NELL1: variants seen among roughly 807,000 people sequenced by gnomAD.
The protein encoded by NELL1 is neural EGFL like 1, also known as protein kinase C-binding protein NELL1.
Under a neutral mutation model 107.4 loss-of-function variants are expected in NELL1, and 76 were observed. The ratio of observed to expected loss-of-function variants is 0.71; its 90% CI spans 0.59 to 0.86. The LOEUF is 0.86. NELL1 is among the 40% of genes least tolerant of loss of function. The pLI, the probability that NELL1 is intolerant of heterozygous loss-of-function variation, is 0.00. For synonymous variants in NELL1, 353 were observed against 341.2 expected (o/e 1.03, Z -0.38); for missense variants, 1,024 against 1,005.5 (o/e 1.02, Z -0.25).
At chr11:21,480,913 C>G (rs1421229584) in intron 15 of NELL1, among the ~76,000 whole-genome samples, 1 of 152,170 alleles carries the variant, frequency 6.6e-6, no homozygotes, top group Non-Finnish European at 1.5e-5. Flanking sequence ...TGCCTTTTAT[C>G]TCTTTCTCAC....
At chr11:21,239,112 G>A (rs7109435) in intron 14 of NELL1, among the ~76,000 whole-genome samples, 37,577 of 151,854 alleles carry the variant, frequency 0.25, 4,958 homozygotes, top group Non-Finnish European at 0.3. Context: ...ATTATTATTA[G>A]CACGATGAAA....
chr11:21,106,086 T>A (rs954999589), intron 12 of NELL1, among the ~76,000 whole-genome samples: 2 of 151,282 alleles, frequency 1.3e-5, no homozygotes, highest in Admixed American at 1.3e-4. Flanking sequence ...TAGCTATGTT[T>A]TGCTTGGTTC....
At chr11:21,077,852 G>A (rs1159036562) in intron 12 of NELL1, among the ~76,000 whole-genome samples, 8 of 151,960 alleles carry the variant, frequency 5.3e-5, no homozygotes, top group African/African-American at 1.9e-4. Flanking sequence ...AGTTGTCTTA[G>A]AAAGCAGAGG....
chr11:21,105,716 T>C (rs1854937666), intron 12 of NELL1, among the ~76,000 whole-genome samples: 1 of 151,872 alleles, frequency 6.6e-6, no homozygotes, highest in Admixed American at 6.6e-5. Context: ...TACCAAGGAC[T>C]TCCTTACCCT....
chr11:21,130,196 AACTCCAATCAGCCCTTCTC>A (rs1422684617), intron 13 of NELL1, among the ~76,000 whole-genome samples: 26 of 152,214 alleles, frequency 1.7e-4, no homozygotes, highest in African/African-American at 5.8e-4. Context: ...TAAATCAGTA[AACTCCAATCAGCCCTTCTC>A]TATCCTGTGA....
In NELL1 at chr11:20,848,954, G is replaced by T. The variant is rs1259325668; in HGVS notation, c.506+1201G>T. Among the ~76,000 whole-genome samples, 4 of 152,322 alleles carry T rather than the reference G, an allele frequency of 2.6e-5. No homozygotes were observed. In the East Asian group the frequency reaches 7.7e-4, roughly 29 times the overall value. ...GGTTTCCACCAGATATAATAAATAT[G>T]TCTGGACAGAGTTTCCATAGAAACC... On this transcript the variant is annotated intron_variant, in intron 4 of 19. Coordinates refer to ENST00000357134, the MANE Select transcript of NELL1 (RefSeq NM_006157.5).
intron 12 of NELL1, among the ~76,000 whole-genome samples, chr11:21,065,116 G>C (rs1310759969): frequency 6.6e-6 from 1 of 151,744 alleles, no homozygotes; most frequent in Admixed American, 6.6e-5. Context: ...TTTTATACAA[G>C]TCTCTAAGGT....
At chr11:21,102,494 T>C (rs1181749416) in intron 12 of NELL1, among the ~76,000 whole-genome samples, 1 of 152,210 alleles carries the variant, frequency 6.6e-6, no homozygotes, top group African/African-American at 2.4e-5. Flanking sequence ...ACTAGTTGCT[T>C]AGTCTCCATG....
At chr11:21,183,857 G>A (rs1856878129) in intron 13 of NELL1, among the ~76,000 whole-genome samples, 1 of 151,896 alleles carries the variant, frequency 6.6e-6, no homozygotes, top group South Asian at 2.1e-4. Context: ...GAACAAGTGA[G>A]ATTGAGGGAG....
intron 16 of NELL1, among the ~76,000 whole-genome samples, chr11:21,555,818 C>A (rs1011197927): frequency 1.3e-5 from 2 of 151,896 alleles, no homozygotes; most frequent in Non-Finnish European, 2.9e-5. Context: ...TTGAGCTCCT[C>A]ATCACGCTAA....
intron 14 of NELL1, among the ~76,000 whole-genome samples, chr11:21,269,060 A>G (rs1336170607): frequency 6.6e-6 from 1 of 152,106 alleles, no homozygotes; most frequent in African/African-American, 2.4e-5. Context: ...TGAGGAAAAA[A>G]AATCTCTGAG....
chr11:21,222,036 G>A (rs545153885), intron 13 of NELL1, among the ~76,000 whole-genome samples: 25 of 151,980 alleles, frequency 1.6e-4, no homozygotes, highest in African/African-American at 3.1e-4. Context: ...TAGTTGTAAT[G>A]TCTCTCATTT....
At position 20,993,068 on chromosome 11, in the gene NELL1, A is replaced by G. The variant is rs535303364; in HGVS notation, c.1300+32508A>G. 2.6e-5 allele frequency among the ~76,000 whole-genome samples: 4 copies of G among 152,212 alleles called. No homozygotes were observed. The South Asian group carries it at 8.3e-4, about 32-fold the overall frequency. On this transcript the variant is annotated intron_variant, in intron 12 of 19. Transcript: ENST00000357134. ...CTTGTCATACTTTCCTCTTTTAATG[A>G]AGTGAGTTTCCACCTGTCTAGAATG...
At chr11:20,850,771 C>A (rs1471135497) in intron 4 of NELL1, among the ~76,000 whole-genome samples, 1 of 152,062 alleles carries the variant, frequency 6.6e-6, no homozygotes, top group Non-Finnish European at 1.5e-5. Flanking sequence ...TTGATGGAAC[C>A]CTTTACTTTG....
intron 2 of NELL1, among the ~76,000 whole-genome samples, chr11:20,718,667 A>T (rs1484440588): frequency 6.6e-6 from 1 of 152,072 alleles, no homozygotes; most frequent in African/African-American, 2.4e-5. Flanking sequence ...ATGTATTGCT[A>T]GTCTTCAGAC....
At chr11:20,757,086 C>T (rs1204404150) in intron 2 of NELL1, among the ~76,000 whole-genome samples, 1 of 152,012 alleles carries the variant, frequency 6.6e-6, no homozygotes, top group Non-Finnish European at 1.5e-5. Flanking sequence ...TTCTTTCTCT[C>T]CCAACTTTTT....
At chr11:20,927,075 T>G in intron 7 of NELL1, 1 of 453,968 alleles carries the variant, frequency 2.2e-6, no homozygotes, top group Non-Finnish European at 3.9e-6. Flanking sequence ...TACAGTTTAA[T>G]GTCTCATTTG....
At chr11:21,159,478 T>C (rs934146733) in intron 13 of NELL1, among the ~76,000 whole-genome samples, 1 of 152,228 alleles carries the variant, frequency 6.6e-6, no homozygotes, top group African/African-American at 2.4e-5. Flanking sequence ...TACTTGCCAC[T>C]GTGCATCTGA....
chr11:21,129,282 C>T (rs538076825), intron 13 of NELL1, among the ~76,000 whole-genome samples: 2 of 152,178 alleles, frequency 1.3e-5, no homozygotes, highest in Non-Finnish European at 2.9e-5. Flanking sequence ...CTGGAACCCT[C>T]GTGCACTGTT....
Sources: allele counts gnomAD v4.1 joint callset (sites outside exome capture counted in the v4.1 genomes callset), GRCh38; gene constraint gnomAD v4.1.1; transcripts MANE v1.5; gene names NCBI Gene and HGNC (gene_info 2026-07-23, HGNC 2026-07-21).